SLC35F2: variants seen among roughly 807,000 people sequenced by gnomAD.
The protein encoded by SLC35F2 is solute carrier family 35 member F2, also known as queuine/queuosine transporter SLC35F2.
In SLC35F2, 25 loss-of-function variants were observed where a neutral mutation model predicts 38.1. The ratio of observed to expected loss-of-function variants is 0.66; its 90% CI spans 0.48 to 0.92. SLC35F2 has a LOEUF of 0.92. Ranked by LOEUF, SLC35F2 falls within the 40% of genes least tolerant of loss-of-function variation. The pLI is 0.00. For synonymous variants in SLC35F2, 173 were observed against 181.7 expected, an observed-to-expected ratio of 0.95 and a Z score of 0.38; for missense variants, 409 against 452.9, an observed-to-expected ratio of 0.90 and a Z score of 0.88.
At chr11:107,796,211 G>A (rs966327814) in intron 7 of SLC35F2, among the ~76,000 whole-genome samples, 2 of 152,086 alleles carry the variant, frequency 1.3e-5, no homozygotes, top group African/African-American at 2.4e-5. Flanking sequence ...ATGGAAAACA[G>A]TACGGAGATT....
At chr11:107,843,291 G>C (rs1026673460) in intron 1 of SLC35F2, among the ~76,000 whole-genome samples, 1 of 152,160 alleles carries the variant, frequency 6.6e-6, no homozygotes, top group African/African-American at 2.4e-5. Context: ...AGGCTGGCCA[G>C]GCACAGTGGC....
At chr11:107,835,711 C>T (rs1859920297) in intron 1 of SLC35F2, among the ~76,000 whole-genome samples, 4 of 150,838 alleles carry the variant, frequency 2.7e-5, no homozygotes, top group African/African-American at 7.4e-5. Context: ...CTCTTATTAC[C>T]ATCTCCTTAA....
intron 3 of SLC35F2, chr11:107,811,334 G>A: frequency 2.6e-6 from 2 of 778,770 alleles, no homozygotes; most frequent in Non-Finnish European, 1.6e-6. Context: ...ATAGAACAAA[G>A]GTATACTTTC....
chr11:107,801,559 G>A (rs1274116389), intron 7 of SLC35F2, among the ~76,000 whole-genome samples: 2 of 151,474 alleles, frequency 1.3e-5, no homozygotes, highest in South Asian at 2.1e-4. Context: ...AAATGACTGG[G>A]GTTCCCAATT....
chr11:107,854,532 T>C (rs1024075155), intron 1 of SLC35F2, among the ~76,000 whole-genome samples: 1 of 152,078 alleles, frequency 6.6e-6, no homozygotes, highest in African/African-American at 2.4e-5. Flanking sequence ...TTCACTTGAG[T>C]TGACAGTAAT....
rs1165284861 is a variant in SLC35F2 at position 107,799,895 on chromosome 11, T to TG, written c.939+3105_939+3106insC. 0.012 allele frequency among the ~76,000 whole-genome samples: 312 copies of TG among 25,670 alleles called. 1 individual carries two copies. In the African/African-American group the frequency reaches 0.15, roughly 13 times the overall value. The allele number at this position is 25,670 out of a possible 152,430, so 16.8% of individuals were successfully genotyped here. On this transcript the variant is annotated intron_variant, in intron 7 of 7. Coordinates refer to ENST00000525815, the MANE Select transcript of SLC35F2 (RefSeq NM_017515.5). ...TTTTTTTGTTTTTGTTTGTTTTTGTTTTTTTTTTTTTGAGACAGAGTCTTG... is the reference window on the plus strand; with the variant it reads ...TTTTTTTGTTTTTGTTTGTTTTTGTTGTTTTTTTTTTTGAGACAGAGTCTTG...
intron 3 of SLC35F2, chr11:107,811,095 T>C: frequency 1.0e-6 from 1 of 985,340 alleles, no homozygotes; most frequent in Non-Finnish European, 1.2e-6. Context: ...ATCCCATAGT[T>C]TGCTAACATT....
At chr11:107,846,577 T>C (rs1248958445) in intron 1 of SLC35F2, among the ~76,000 whole-genome samples, 1 of 152,156 alleles carries the variant, frequency 6.6e-6, no homozygotes, top group Non-Finnish European at 1.5e-5. Context: ...AAATTATAAA[T>C]AAATGAATTA....
intron 1 of SLC35F2, among the ~76,000 whole-genome samples, chr11:107,842,043 G>A (rs1002025057): frequency 1.3e-5 from 2 of 150,652 alleles, no homozygotes; most frequent in Non-Finnish European, 2.9e-5. Flanking sequence ...TCCAGCCTAG[G>A]TGAAAGAACA....
At position 107,805,508 on chromosome 11, in the gene SLC35F2, A is replaced by G. The variant is rs1332386377; in HGVS notation, c.582T>C (p.Asp194=). 1 of 1,612,348 alleles carries G rather than the reference A, an allele frequency of 6.2e-7. No homozygotes were observed. The highest frequency in any genetic ancestry group is 1.7e-5 in the Admixed American group (1 of 59,484). The stretch of plus-strand genomic sequence containing the variant: ...GGACCAAGATGTCACCAATCAATAC[A>G]TCACTCCCTGCAGGAAGACAAGCCA... ...LAGREDNSGS[D]VLIGDILVLL... The change falls in exon 5 of 8, where the codon GAT becomes GAC. Residue 194 remains aspartate (D), a synonymous_variant. Transcript: ENST00000525815.
chr11:107,826,601 A>G (rs2134815698), intron 1 of SLC35F2, among the ~76,000 whole-genome samples: 1 of 152,326 alleles, frequency 6.6e-6, no homozygotes, highest in East Asian at 1.9e-4. Context: ...GCAAAGTAAA[A>G]GGTGTATGTC....
At chr11:107,850,307 T>C (rs558500524) in intron 1 of SLC35F2, among the ~76,000 whole-genome samples, 2 of 152,328 alleles carry the variant, frequency 1.3e-5, no homozygotes, top group South Asian at 2.1e-4. Flanking sequence ...TGTCTAACAC[T>C]GGTGGATGGA....
chr11:107,831,635 T>C (rs77116495), intron 1 of SLC35F2, among the ~76,000 whole-genome samples: 1,889 of 152,338 alleles, frequency 0.012, 58 homozygotes, highest in African/African-American at 0.044. Flanking sequence ...ACATTAATCC[T>C]ATATTTCCCA....
intron 1 of SLC35F2, among the ~76,000 whole-genome samples, chr11:107,818,122 AAGAAAGAAAGAAAAAG>A (rs1565433264): frequency 1.3e-5 from 2 of 149,536 alleles, no homozygotes; most frequent in African/African-American, 2.5e-5. Flanking sequence ...GAAAGAAAGA[AAGAAAGAAAGAAAAAG>A]AAACAATTGT....
chr11:107,828,866 G>A (rs1859793574), intron 1 of SLC35F2, among the ~76,000 whole-genome samples: 1 of 152,102 alleles, frequency 6.6e-6, no homozygotes, highest in Admixed American at 6.6e-5. Context: ...CAGCACTTTG[G>A]GAGGCCGAGG....
intron 1 of SLC35F2, among the ~76,000 whole-genome samples, chr11:107,833,518 CAAAAA>C (rs34376803): frequency 5.6e-5 from 5 of 89,566 alleles, no homozygotes; most frequent in African/African-American, 1.9e-4. Flanking sequence ...GACTCTGTCT[CAAAAA>C]AAAAAAAAAA....
Position 107,791,088 on chromosome 11 carries a change from A to C in SLC35F2, c.*1527T>G. The C allele has an allele frequency of 6.6e-6, 1 of 152,600 alleles. No homozygotes were observed. The highest frequency in any genetic ancestry group is 2.1e-4 in the South Asian group (1 of 4,832). The allele number at this position is 152,600 out of a possible 1,614,324, so 9.5% of individuals were successfully genotyped here. A position where few individuals can be genotyped will look rare whatever the true frequency, so the allele number is the denominator to read the frequency against. On this transcript the variant is annotated 3_prime_UTR_variant, in exon 8 of 8. Transcript: ENST00000525815. Reference sequence around the variant, plus strand: ...AAAAATTTACATACAGTTTTCTGAAAGTGGCATTTTGTTGGTTGTTATTAT... The same window carrying C: ...AAAAATTTACATACAGTTTTCTGAACGTGGCATTTTGTTGGTTGTTATTAT...
intron 1 of SLC35F2, among the ~76,000 whole-genome samples, chr11:107,844,081 T>A (rs1036790532): frequency 6.6e-6 from 1 of 151,700 alleles, no homozygotes; most frequent in African/African-American, 2.4e-5. Context: ...ATACAAATAA[T>A]CCAGAACAGG....
intron 1 of SLC35F2, among the ~76,000 whole-genome samples, chr11:107,823,536 T>C (rs548342084): frequency 6.6e-6 from 1 of 152,258 alleles, no homozygotes; most frequent in African/African-American, 2.4e-5. Context: ...AAAAGAAATA[T>C]ACATTTAGGC....
Sources: gnomAD v4.1 joint callset for allele counts (sites outside exome capture counted in the v4.1 genomes callset) on GRCh38, gnomAD v4.1.1 for gene constraint, MANE v1.5 for transcripts, NCBI Gene and HGNC (gene_info 2026-07-23, HGNC 2026-07-21) for gene names.